The following WWOX variants were observed in gnomAD, a reference collection of about 807,000 sequenced individuals.
The protein encoded by WWOX is WW domain-containing oxidoreductase.
WWOX carries 69 observed loss-of-function variants against 46.2 expected under a neutral mutation model. The observed-to-expected ratio is 1.49, with a 90% CI of 1.23 to 1.82. The LOEUF (loss-of-function observed/expected upper bound fraction) is 1.82. Among genes scored for constraint, WWOX ranks in the 40% most tolerant of loss-of-function variants. The probability of loss-of-function intolerance (pLI) is 0.00; values close to 1 mark genes in which losing one functional copy is unlikely to be tolerated. For missense variants in WWOX, 919 were observed against 542.6 expected, an observed-to-expected ratio of 1.69 and a Z score of -6.89; for synonymous variants, 359 against 202.6, an observed-to-expected ratio of 1.77 and a Z score of -6.56.
intron 5 of WWOX, among the ~76,000 whole-genome samples, chr16:78,227,363 G>A (rs1011014699): frequency 6.6e-6 from 1 of 152,100 alleles, no homozygotes; most frequent in South Asian, 2.1e-4. Flanking sequence ...GAGACTCTCC[G>A]CCCATAGGAT....
chr16:79,086,469 C>T (rs1324121347), intron 8 of WWOX, among the ~76,000 whole-genome samples: 4 of 152,184 alleles, frequency 2.6e-5, no homozygotes, highest in Non-Finnish European at 5.9e-5. Context: ...AATAGATTAA[C>T]TTATCAAAAC....
intron 8 of WWOX, among the ~76,000 whole-genome samples, chr16:78,452,225 A>G (rs189451675): frequency 3.0e-4 from 45 of 152,306 alleles, no homozygotes; most frequent in Non-Finnish European, 5.7e-4. Context: ...CCGCACTCAT[A>G]AAAAGAGATT....
intron 8 of WWOX, among the ~76,000 whole-genome samples, chr16:78,962,891 A>G (rs974317103): frequency 6.6e-6 from 1 of 152,198 alleles, no homozygotes; most frequent in Non-Finnish European, 1.5e-5. Flanking sequence ...ATAGTCACCC[A>G]GTACGCATTC....
At chr16:78,761,052 C>T in intron 8 of WWOX, among the ~76,000 whole-genome samples, 1 of 152,170 alleles carries the variant, frequency 6.6e-6, no homozygotes, top group Middle Eastern at 3.2e-3. Flanking sequence ...CCAGGCCCCT[C>T]CTACAACACG....
intron 8 of WWOX, among the ~76,000 whole-genome samples, chr16:78,744,422 CTTTTTTTTTTTTTTTTT>C (rs976073233): frequency 2.4e-5 from 2 of 82,258 alleles, no homozygotes; most frequent in East Asian, 3.0e-4. Context: ...GTCCACACTG[CTTTTTTTTTTTTTTTTT>C]TTTTTTTTTT....
intron 5 of WWOX, among the ~76,000 whole-genome samples, chr16:78,229,529 T>A (rs1399250198): frequency 6.7e-6 from 1 of 148,456 alleles, no homozygotes; most frequent in African/African-American, 2.5e-5. Context: ...TATATATATA[T>A]ATAAAATAAT....
chr16:79,182,180 T>A (rs2050925637), intron 8 of WWOX, among the ~76,000 whole-genome samples: 1 of 151,936 alleles, frequency 6.6e-6, no homozygotes, highest in Non-Finnish European at 1.5e-5. Context: ...TGGTTCGTTT[T>A]CATCTTCAGG....
At chr16:78,916,383 C>A (rs1329709237) in intron 8 of WWOX, among the ~76,000 whole-genome samples, 3 of 152,088 alleles carry the variant, frequency 2.0e-5, no homozygotes, top group African/African-American at 7.2e-5. Flanking sequence ...TGATTAATCC[C>A]CCAAAAGTCA....
intron 8 of WWOX, among the ~76,000 whole-genome samples, chr16:78,679,303 C>T (rs1348365273): frequency 6.6e-6 from 1 of 152,206 alleles, no homozygotes; most frequent in African/African-American, 2.4e-5. Flanking sequence ...GTAATCCCAG[C>T]ACTTTGGGAG....
intron 8 of WWOX, among the ~76,000 whole-genome samples, chr16:78,509,652 A>G (rs1567613578): frequency 6.6e-6 from 1 of 152,180 alleles, no homozygotes; most frequent in Non-Finnish European, 1.5e-5. Context: ...CGATGGCAGG[A>G]CTATTTACAC....
chr16:79,156,438 G>A (rs949915584), intron 8 of WWOX, among the ~76,000 whole-genome samples: 2 of 152,186 alleles, frequency 1.3e-5, no homozygotes, highest in Admixed American at 6.5e-5. Flanking sequence ...TGGGATAACA[G>A]GCGTGAGCCA....
rs976211983 is a variant in WWOX at position 78,882,647 on chromosome 16, C to T, written c.1057-328961C>T. ...GGATTACAGGTATGTGCTACCGTGC[C>T]CAGCTAACTTTTGTATTTTTAGTAG... On this transcript the variant is annotated intron_variant, in intron 8 of 8. Coordinates refer to ENST00000566780, the MANE Select transcript of WWOX (RefSeq NM_016373.4). Among the ~76,000 whole-genome samples, 3 of 151,792 alleles carry T rather than the reference C, an allele frequency of 2.0e-5. No homozygotes were observed. The East Asian group carries it at 5.8e-4, about 29-fold the overall frequency.
intron 8 of WWOX, among the ~76,000 whole-genome samples, chr16:79,071,147 T>TTA (rs1339008948): frequency 6.6e-6 from 1 of 152,224 alleles, no homozygotes; most frequent in Non-Finnish European, 1.5e-5. Context: ...GGCTAGCAGT[T>TTA]TTTAATCAAA....
intron 8 of WWOX, among the ~76,000 whole-genome samples, chr16:79,200,859 G>A (rs1443432139): frequency 6.6e-6 from 1 of 152,030 alleles, no homozygotes; most frequent in Non-Finnish European, 1.5e-5. Context: ...GTCTCTATAC[G>A]GCAGGCCCAA....
At chr16:78,342,058 G>C (rs72794022) in intron 5 of WWOX, among the ~76,000 whole-genome samples, 13,813 of 120,844 alleles carry the variant, frequency 0.11, 4,203 homozygotes, top group East Asian at 0.21. Context: ...CAAGGCTACA[G>C]TGAGCTGCAA....
At chr16:79,117,320 T>C (rs1309398957) in intron 8 of WWOX, among the ~76,000 whole-genome samples, 2 of 152,168 alleles carry the variant, frequency 1.3e-5, no homozygotes, top group Non-Finnish European at 2.9e-5. Flanking sequence ...AGCAGAATAT[T>C]TTTAAAGGAA....
rs142619824 is a variant in WWOX at position 78,718,323 on chromosome 16, G to T, written c.1056+285571G>T. 9.7e-3 allele frequency among the ~76,000 whole-genome samples: 1,456 copies of T among 150,622 alleles called. 26 individuals carry two copies. Among genetic ancestry groups the T allele is most frequent in the African/African-American group, 0.033 (1,361 of 41,100 alleles). On this transcript the variant is annotated intron_variant, in intron 8 of 8. Transcript: ENST00000566780. The stretch of plus-strand genomic sequence containing the variant: ...ATTCTCACTGGATACCATCATAAAA[G>T]AATTATTGTGGTGCCAAAAAAATTT...
chr16:79,022,740 C>G (rs1276561552), intron 8 of WWOX, among the ~76,000 whole-genome samples: 1 of 152,144 alleles, frequency 6.6e-6, no homozygotes, highest in Non-Finnish European at 1.5e-5. Context: ...AGGCAGTGGC[C>G]CCCCACCAAG....
At chr16:79,074,059 C>A (rs944491309) in intron 8 of WWOX, among the ~76,000 whole-genome samples, 2 of 151,928 alleles carry the variant, frequency 1.3e-5, no homozygotes, top group Non-Finnish European at 2.9e-5. Flanking sequence ...AGTACTTCTG[C>A]TACGAGTGTA....
Sources: allele counts gnomAD v4.1 joint callset (sites outside exome capture counted in the v4.1 genomes callset), GRCh38; gene constraint gnomAD v4.1.1; transcripts MANE v1.5; gene names NCBI Gene and HGNC (gene_info 2026-07-23, HGNC 2026-07-21).